Variants in CAPZA2 observed in about 807,000 individuals in gnomAD.
CAPZA2 encodes F-actin-capping protein subunit alpha-2.
CAPZA2 carries 13 observed loss-of-function variants against 44.0 expected under a neutral mutation model. That is an observed-to-expected ratio of 0.30 (90% CI 0.19 to 0.47). CAPZA2 has a LOEUF of 0.47. CAPZA2 is among the 20% of genes least tolerant of loss of function. The probability of loss-of-function intolerance (pLI) is 1.00; values close to 1 mark genes in which losing one functional copy is unlikely to be tolerated. For synonymous variants in CAPZA2, 94 were observed against 108.2 expected (o/e 0.87, Z 0.81); for missense variants, 244 against 338.6 (o/e 0.72, Z 2.19).
chr7:116,914,295 C>T (rs965442203), intron 8 of CAPZA2, among the ~76,000 whole-genome samples: 3 of 152,074 alleles, frequency 2.0e-5, no homozygotes, highest in East Asian at 1.9e-4. Context: ...TCCCAAAGTG[C>T]TGGGATTACA....
intron 2 of CAPZA2, among the ~76,000 whole-genome samples, chr7:116,891,931 T>G (rs1016920825): frequency 8.5e-5 from 13 of 152,216 alleles, no homozygotes; most frequent in African/African-American, 3.1e-4. Flanking sequence ...ATTGTAAACT[T>G]TCCAAAGTAC....
At chr7:116,917,451 G>C (rs1218742864) in intron 9 of CAPZA2, among the ~76,000 whole-genome samples, 1 of 152,102 alleles carries the variant, frequency 6.6e-6, no homozygotes, top group Non-Finnish European at 1.5e-5. Context: ...TAGAGACAGG[G>C]TTTCACTGTG....
intron 1 of CAPZA2, among the ~76,000 whole-genome samples, chr7:116,863,069 C>T (rs1039402056): frequency 6.6e-6 from 1 of 152,092 alleles, no homozygotes; most frequent in Non-Finnish European, 1.5e-5. Context: ...GGGCAGTGCC[C>T]AGCGCGGCGG....
intron 1 of CAPZA2, among the ~76,000 whole-genome samples, chr7:116,886,422 T>G (rs1171878394): frequency 6.6e-6 from 1 of 152,198 alleles, no homozygotes; most frequent in Non-Finnish European, 1.5e-5. Flanking sequence ...ATACCTTTTT[T>G]CCATGTTTCT....
intron 2 of CAPZA2, chr7:116,888,472 G>A: frequency 3.7e-6 from 1 of 270,198 alleles, no homozygotes; most frequent in South Asian, 1.1e-4. Context: ...GAGTCTTTTT[G>A]GTAAATGGTT....
At chr7:116,884,989 A>G (rs1328761905) in intron 1 of CAPZA2, among the ~76,000 whole-genome samples, 1 of 152,198 alleles carries the variant, frequency 6.6e-6, no homozygotes, top group African/African-American at 2.4e-5. Context: ...TTCTCTACTG[A>G]CTAATGATAT....
chr7:116,916,551 G>A (rs566222539), intron 9 of CAPZA2, among the ~76,000 whole-genome samples: 1 of 152,106 alleles, frequency 6.6e-6, no homozygotes, highest in African/African-American at 2.4e-5. Flanking sequence ...GCTTGAACCT[G>A]AGAGGCAGAG....
chr7:116,916,892 T>C (rs1023729888), intron 9 of CAPZA2, among the ~76,000 whole-genome samples: 2 of 152,232 alleles, frequency 1.3e-5, no homozygotes, highest in Non-Finnish European at 2.9e-5. Context: ...TTAGGGATGC[T>C]CAACCTGTAT....
intron 8 of CAPZA2, among the ~76,000 whole-genome samples, chr7:116,912,576 G>A (rs1056556333): frequency 6.6e-6 from 1 of 152,076 alleles, no homozygotes. Flanking sequence ...TGATATAAAT[G>A]TAATCATAAT....
intron 1 of CAPZA2, among the ~76,000 whole-genome samples, chr7:116,881,567 G>A (rs532196326): frequency 1.4e-4 from 22 of 151,736 alleles, no homozygotes; most frequent in East Asian, 5.8e-4. Flanking sequence ...GTGAAACCCC[G>A]TCTCTACTAA....
At chr7:116,901,881 A>ATTGTGTGTG (rs375500363) in intron 4 of CAPZA2, among the ~76,000 whole-genome samples, 11 of 140,900 alleles carry the variant, frequency 7.8e-5, no homozygotes, top group Non-Finnish European at 1.2e-4. Flanking sequence ...TAACGAAGAA[A>ATTGTGTGTG]TGTGTGTGTG....
intron 1 of CAPZA2, among the ~76,000 whole-genome samples, chr7:116,877,205 C>T (rs1012881594): frequency 1.2e-4 from 18 of 152,230 alleles, no homozygotes; most frequent in Admixed American, 1.2e-3. Context: ...ATAGTGCTAG[C>T]CAGTTATCAA....
At chr7:116,888,238 T>C (rs760805521) in intron 2 of CAPZA2, 48 bp downstream of exon 2, 1 of 1,343,490 alleles carries the variant, frequency 7.4e-7, no homozygotes, top group South Asian at 1.2e-5. Context: ...AAGCCCTCTT[T>C]TTAAAAGAAA....
chr7:116,898,877 C>T (rs759248739), intron 4 of CAPZA2, 42 bp downstream of exon 4: 14 of 1,186,390 alleles, frequency 1.2e-5, no homozygotes, highest in Middle Eastern at 2.0e-4. Flanking sequence ...TGTTTATAAC[C>T]GTTAAGGTAT....
chr7:116,910,569 C>T (rs1401757448), intron 7 of CAPZA2, among the ~76,000 whole-genome samples: 1 of 152,116 alleles, frequency 6.6e-6, no homozygotes, highest in African/African-American at 2.4e-5. Flanking sequence ...TTGGTCTGCT[C>T]TTCAGATACA....
chr7:116,885,636 G>A (rs1796752662), intron 1 of CAPZA2, among the ~76,000 whole-genome samples: 1 of 152,046 alleles, frequency 6.6e-6, no homozygotes, highest in African/African-American at 2.4e-5. Flanking sequence ...CCCCTTTTCA[G>A]GTTCAATAAT....
chr7:116,885,237 T>C (rs1478112369), intron 1 of CAPZA2, among the ~76,000 whole-genome samples: 2 of 152,072 alleles, frequency 1.3e-5, no homozygotes, highest in African/African-American at 4.8e-5. Flanking sequence ...TTTGAATAAG[T>C]CCAGCTCACT....
intron 1 of CAPZA2, chr7:116,874,471 T>A (rs567880651): frequency 1.3e-5 from 2 of 152,270 alleles, no homozygotes; most frequent in Non-Finnish European, 2.9e-5. Context: ...GAAGCTGATT[T>A]TTCTTTTTAG....
intron 2 of CAPZA2, among the ~76,000 whole-genome samples, chr7:116,890,533 T>A (rs1431725694): frequency 0.16 from 2,664 of 16,806 alleles, 454 homozygotes; most frequent in African/African-American, 0.43. Flanking sequence ...AAAATATATA[T>A]ATATATATAT....
Sources: allele counts gnomAD v4.1 joint callset (sites outside exome capture counted in the v4.1 genomes callset), GRCh38; gene constraint gnomAD v4.1.1; transcripts MANE v1.5; gene names NCBI Gene and HGNC (gene_info 2026-07-23, HGNC 2026-07-21).